Variants in ARHGAP10 observed in about 807,000 individuals in gnomAD.
The protein encoded by ARHGAP10 is Rho GTPase activating protein 10, also known as rho GTPase-activating protein 10.
A neutral mutation model predicts 108.6 loss-of-function variants in ARHGAP10; 87 were observed. The observed-to-expected ratio is 0.80, with a 90% CI of 0.67 to 0.96. The LOEUF is 0.96. ARHGAP10 is among the 40% of genes least tolerant of loss of function. The pLI, the probability that ARHGAP10 is intolerant of heterozygous loss-of-function variation, is 0.00. For synonymous variants in ARHGAP10, 347 were observed against 341.1 expected, an observed-to-expected ratio of 1.02 and a Z score of -0.19; for missense variants, 939 against 954.5, an observed-to-expected ratio of 0.98 and a Z score of 0.21.
At chr4:147,933,684 C>T (rs1160483067) in intron 13 of ARHGAP10, among the ~76,000 whole-genome samples, 1 of 152,202 alleles carries the variant, frequency 6.6e-6, no homozygotes, top group South Asian at 2.1e-4. Flanking sequence ...TGTGGGAATA[C>T]TGGCCAAGAC....
Position 148,063,282 on chromosome 4 carries a change from C to T in ARHGAP10, c.2162C>T (p.Ala721Val), listed in dbSNP as rs747924413. 23 of 1,614,008 alleles carry T rather than the reference C, an allele frequency of 1.4e-5. No individual in the cohort carries two copies. Among genetic ancestry groups the T allele is most frequent in the Admixed American group, 3.3e-5 (2 of 60,006 alleles). Residue 721 changes from alanine to valine, a missense_variant, in exon 21 of 23, where the codon GCG (alanine) becomes GTG (valine). Coordinates refer to ENST00000336498, the MANE Select transcript of ARHGAP10 (RefSeq NM_024605.4). ...PFPFSPPATV[A>V]DKPPESIRSR... ...CCCTTTTCTCCTCCTGCTACTGTAG[C>T]GGACAAGCCACCTGAAAGGTACGTG... is the stretch of plus-strand genomic sequence containing the variant.
At chr4:147,776,997 A>G (rs561191692) in intron 1 of ARHGAP10, among the ~76,000 whole-genome samples, 2 of 152,298 alleles carry the variant, frequency 1.3e-5, no homozygotes, top group East Asian at 3.9e-4. Flanking sequence ...ATAAGTGGCT[A>G]TATTCATCAC....
intron 1 of ARHGAP10, among the ~76,000 whole-genome samples, chr4:147,755,243 T>G (rs1729319539): frequency 6.6e-6 from 1 of 152,158 alleles, no homozygotes; most frequent in African/African-American, 2.4e-5. Flanking sequence ...TCATTAAAAT[T>G]TTTACTTATT....
At chr4:148,000,177 T>C (rs925300279) in intron 18 of ARHGAP10, among the ~76,000 whole-genome samples, 5 of 151,896 alleles carry the variant, frequency 3.3e-5, no homozygotes, top group South Asian at 2.1e-4. Flanking sequence ...CATGTGGTGG[T>C]TGGTTTTTTT....
At chr4:147,966,894 A>G (rs1293356088) in intron 18 of ARHGAP10, 55 bp downstream of exon 18, 2 of 1,377,308 alleles carry the variant, frequency 1.5e-6, no homozygotes, top group Admixed American at 2.3e-5. Context: ...GCCATGTACT[A>G]CACAACGATC....
intron 1 of ARHGAP10, among the ~76,000 whole-genome samples, chr4:147,799,551 G>A (rs1324479245): frequency 6.6e-6 from 1 of 152,028 alleles, no homozygotes; most frequent in Admixed American, 6.5e-5. Context: ...GAATTCTGTT[G>A]TCTTTCCTCA....
At chr4:147,879,899 C>T (rs1735257001) in intron 9 of ARHGAP10, among the ~76,000 whole-genome samples, 1 of 152,188 alleles carries the variant, frequency 6.6e-6, no homozygotes, top group South Asian at 2.1e-4. Flanking sequence ...AGTGGTTCCT[C>T]AGCATTTATA....
At chr4:148,061,903 G>A (rs1433104994) in intron 20 of ARHGAP10, among the ~76,000 whole-genome samples, 1 of 152,216 alleles carries the variant, frequency 6.6e-6, no homozygotes, top group Non-Finnish European at 1.5e-5. Flanking sequence ...ATTTATTGGT[G>A]TCGCAGGCCT....
intron 13 of ARHGAP10, among the ~76,000 whole-genome samples, chr4:147,921,538 T>C (rs1326951263): frequency 1.3e-5 from 2 of 151,772 alleles, no homozygotes; most frequent in Non-Finnish European, 2.9e-5. Flanking sequence ...CATGGTGCCA[T>C]ATAGCATTTG....
In ARHGAP10 at chr4:147,798,722, ACACTCTCT is replaced by A. The variant is rs1401505912; in HGVS notation, c.155-24003_155-23996del. On this transcript the variant is annotated intron_variant, in intron 1 of 22. Coordinates refer to ENST00000336498, the MANE Select transcript of ARHGAP10 (RefSeq NM_024605.4). ...CATTACGTGAGGTCAGGAGTTTGAG[ACACTCTCT>A]CTCTCTCTCTCTCTCTCTCTCTCTC... Among the ~76,000 whole-genome samples the A allele has an allele frequency of 1.5e-3, 159 of 107,318 alleles. 22 individuals are homozygous for A. Among genetic ancestry groups the A allele is most frequent in the African/African-American group, 7.4e-3 (139 of 18,678 alleles). The allele number at this position is 107,318 out of a possible 152,430, so 70.4% of individuals were successfully genotyped here.
At chr4:148,018,500 A>G (rs1329421960) in intron 18 of ARHGAP10, among the ~76,000 whole-genome samples, 1 of 151,882 alleles carries the variant, frequency 6.6e-6, no homozygotes, top group Admixed American at 6.6e-5. Flanking sequence ...CTTCTTGTAG[A>G]TCTAAAAACA....
chr4:148,009,945 A>C (rs1741106338), intron 18 of ARHGAP10, among the ~76,000 whole-genome samples: 1 of 152,190 alleles, frequency 6.6e-6, no homozygotes, highest in Non-Finnish European at 1.5e-5. Flanking sequence ...TGAATAAGGA[A>C]CAGTTCTGTT....
At chr4:147,819,019 CAGGTACAA>C (rs1225545678) in intron 1 of ARHGAP10, among the ~76,000 whole-genome samples, 2 of 152,158 alleles carry the variant, frequency 1.3e-5, no homozygotes. Flanking sequence ...ATTCTTAGCA[CAGGTACAA>C]AGCATGCTCT....
chr4:147,964,578 A>G (rs978243926), intron 16 of ARHGAP10, among the ~76,000 whole-genome samples: 3 of 152,220 alleles, frequency 2.0e-5, no homozygotes, highest in African/African-American at 7.2e-5. Context: ...AAGGGCTAGA[A>G]CTTCAACATA....
chr4:148,014,522 C>T (rs1181063738), intron 18 of ARHGAP10, among the ~76,000 whole-genome samples: 1 of 152,162 alleles, frequency 6.6e-6, no homozygotes, highest in East Asian at 1.9e-4. Context: ...AGAAAGTTTA[C>T]ATAGTGAAAA....
chr4:147,909,877 A>T, intron 12 of ARHGAP10, 100 bp downstream of exon 12: 1 of 1,175,314 alleles, frequency 8.5e-7, no homozygotes, highest in South Asian at 1.3e-5. Context: ...TACTCTCTGC[A>T]CCCTCTATTA....
chr4:147,752,198 T>G (rs2126693665), intron 1 of ARHGAP10, among the ~76,000 whole-genome samples: 1 of 152,296 alleles, frequency 6.6e-6, no homozygotes, highest in East Asian at 1.9e-4. Flanking sequence ...TTTAGTATTA[T>G]AGAAGAGCAT....
At chr4:147,775,640 G>C (rs1373039118) in intron 1 of ARHGAP10, among the ~76,000 whole-genome samples, 1 of 152,098 alleles carries the variant, frequency 6.6e-6, no homozygotes, top group Admixed American at 6.5e-5. Flanking sequence ...CAGGCTTTTT[G>C]GCTACGCTGA....
chr4:147,766,333 C>T (rs1408131764), intron 1 of ARHGAP10, among the ~76,000 whole-genome samples: 1 of 151,362 alleles, frequency 6.6e-6, no homozygotes, highest in Non-Finnish European at 1.5e-5. Flanking sequence ...CCACCCATGT[C>T]CTCCCATATG....
Sources: allele counts gnomAD v4.1 joint callset (sites outside exome capture counted in the v4.1 genomes callset), GRCh38; gene constraint gnomAD v4.1.1; transcripts MANE v1.5; gene names NCBI Gene and HGNC (gene_info 2026-07-23, HGNC 2026-07-21).